Variants in RSRC1 observed in about 807,000 individuals in gnomAD.
The protein encoded by RSRC1 is arginine and serine rich coiled-coil 1, also known as serine/Arginine-related protein 53.
In RSRC1, 39 loss-of-function variants were observed where a neutral mutation model predicts 49.1. That is an observed-to-expected ratio of 0.79 (90% confidence interval 0.61 to 1.04). RSRC1 has a LOEUF of 1.04. Among genes scored for constraint, RSRC1 ranks in the 50% least tolerant of loss-of-function variants. RSRC1 has a pLI of 0.00. For synonymous variants in RSRC1, 143 were observed against 130.8 expected (o/e 1.09, Z -0.63); for missense variants, 388 against 402.4 (o/e 0.96, Z 0.31).
At chr3:158,336,997 T>C (rs1729937636) in intron 5 of RSRC1, among the ~76,000 whole-genome samples, 1 of 152,128 alleles carries the variant, frequency 6.6e-6, no homozygotes, top group African/African-American at 2.4e-5. Flanking sequence ...GGTGGGAGAT[T>C]TCCCGTCTGT....
chr3:158,259,343 A>G (rs1724758125), intron 4 of RSRC1, among the ~76,000 whole-genome samples: 1 of 152,122 alleles, frequency 6.6e-6, no homozygotes, highest in Admixed American at 6.6e-5. Flanking sequence ...TAGAGATACT[A>G]CTTTGGTGGT....
At chr3:158,501,768 G>A (rs1739610680) in intron 7 of RSRC1, among the ~76,000 whole-genome samples, 1 of 152,080 alleles carries the variant, frequency 6.6e-6, no homozygotes, top group African/African-American at 2.4e-5. Context: ...TCTCCTGAAG[G>A]CAGCAAATAG....
intron 6 of RSRC1, among the ~76,000 whole-genome samples, chr3:158,458,385 G>A (rs1016396418): frequency 6.6e-6 from 1 of 151,688 alleles, no homozygotes; most frequent in African/African-American, 2.4e-5. Context: ...TATTTTAATG[G>A]CAAAAACCAT....
At position 158,511,758 on chromosome 3, in the gene RSRC1, A is replaced by G. The variant is rs973362566; in HGVS notation, c.653-25334A>G. 7.3e-3 allele frequency among the ~76,000 whole-genome samples: 1,117 copies of G among 152,022 alleles called. 19 individuals are homozygous for G. Among genetic ancestry groups the G allele is most frequent in the African/African-American group, 0.025 (1,048 of 41,454 alleles). ...CCACCAACAGTGTAAAAGTGTTCCT[A>G]TTTCTCCACATCCTCTCCAGCACCT... On this transcript the variant is annotated intron_variant, in intron 7 of 9. Coordinates refer to ENST00000611884, the MANE Select transcript of RSRC1 (RefSeq NM_001271838.2).
intron 6 of RSRC1, among the ~76,000 whole-genome samples, chr3:158,407,980 G>T (rs1734240866): frequency 6.6e-6 from 1 of 152,172 alleles, no homozygotes; most frequent in Non-Finnish European, 1.5e-5. Flanking sequence ...TCCTGGCTTT[G>T]CCTTTCATGG....
intron 3 of RSRC1, among the ~76,000 whole-genome samples, chr3:158,126,142 T>C (rs1172579292): frequency 6.6e-6 from 1 of 152,122 alleles, no homozygotes; most frequent in Non-Finnish European, 1.5e-5. Flanking sequence ...TTTGTGTGTA[T>C]GAGTGTGTGT....
At position 158,377,460 on chromosome 3, in the gene RSRC1, G is replaced by C. The variant is rs540321020; in HGVS notation, c.583+22552G>C. Among the ~76,000 whole-genome samples the C allele has an allele frequency of 2.0e-5, 3 of 152,026 alleles. No homozygotes were observed. In the South Asian group the frequency reaches 6.2e-4, roughly 32 times the overall value. ...ACGAGTGAATTCTTGCTCTGAGTTCGCATGAGATTTGGTTGTTTAAAAGAG... is the reference window on the plus strand; with the variant it reads ...ACGAGTGAATTCTTGCTCTGAGTTCCCATGAGATTTGGTTGTTTAAAAGAG... On this transcript the variant is annotated intron_variant, in intron 6 of 9. Transcript: ENST00000611884.
chr3:158,505,677 G>T (rs1352208826), intron 7 of RSRC1, among the ~76,000 whole-genome samples: 1 of 152,002 alleles, frequency 6.6e-6, no homozygotes, highest in African/African-American at 2.4e-5. Flanking sequence ...GCATGCTATA[G>T]AAGTTCATAG....
At chr3:158,238,011 C>G (rs1316723637) in intron 4 of RSRC1, among the ~76,000 whole-genome samples, 1 of 152,162 alleles carries the variant, frequency 6.6e-6, no homozygotes, top group East Asian at 1.9e-4. Context: ...TAAGTAACTT[C>G]AGCAAAGTCT....
chr3:158,237,855 C>T (rs1331146608), intron 4 of RSRC1, among the ~76,000 whole-genome samples: 1 of 152,026 alleles, frequency 6.6e-6, no homozygotes, highest in Non-Finnish European at 1.5e-5. Context: ...GAATAGGAGT[C>T]GTGAGAGAGG....
intron 1 of RSRC1, among the ~76,000 whole-genome samples, chr3:158,118,873 A>G (rs1715054915): frequency 6.6e-6 from 1 of 152,212 alleles, no homozygotes; most frequent in African/African-American, 2.4e-5. Flanking sequence ...TCAAATGCTT[A>G]TATATCTTTT....
rs1278753814 is a variant in RSRC1, at chr3:158,311,291, G to A, written c.531+13216G>A. ...TGCTTATATAGTCCCTTAGCACCTG[G>A]TATATCGGTTGTAAAAAGTATATGC... On this transcript the variant is annotated intron_variant, in intron 5 of 9. Coordinates refer to ENST00000611884, the MANE Select transcript of RSRC1 (RefSeq NM_001271838.2). Among the ~76,000 whole-genome samples the A allele has an allele frequency of 2.6e-5, 4 of 151,592 alleles. No homozygotes were observed. In the East Asian group the frequency reaches 7.7e-4, roughly 29 times the overall value.
At chr3:158,311,606 A>G (rs1271366998) in intron 5 of RSRC1, among the ~76,000 whole-genome samples, 2 of 151,976 alleles carry the variant, frequency 1.3e-5, no homozygotes, top group Non-Finnish European at 2.9e-5. Flanking sequence ...ACAAAGTTTC[A>G]GTTACCCAGG....
chr3:158,394,629 C>G (rs60175462), intron 6 of RSRC1, among the ~76,000 whole-genome samples: 11,134 of 151,798 alleles, frequency 0.073, 483 homozygotes, highest in South Asian at 0.13. Context: ...TGCAGCTAAC[C>G]AGGGAAGTGA....
At chr3:158,502,169 T>C (rs915860336) in intron 7 of RSRC1, among the ~76,000 whole-genome samples, 1 of 152,196 alleles carries the variant, frequency 6.6e-6, no homozygotes, top group Non-Finnish European at 1.5e-5. Context: ...ATTGTTTTGT[T>C]TGAGAAGGCT....
chr3:158,378,127 T>C (rs1732477150), intron 6 of RSRC1, among the ~76,000 whole-genome samples: 1 of 152,216 alleles, frequency 6.6e-6, no homozygotes, highest in Non-Finnish European at 1.5e-5. Flanking sequence ...AAGTTTAAAA[T>C]TTCTAACATG....
chr3:158,186,894 A>G (rs1156288590), intron 3 of RSRC1, among the ~76,000 whole-genome samples: 2 of 151,972 alleles, frequency 1.3e-5, no homozygotes, highest in African/African-American at 4.8e-5. Context: ...GAATTCCAAA[A>G]TATTTAGTTA....
chr3:158,468,463 C>T lies in RSRC1; in HGVS notation c.652+7460C>T, dbSNP rs188507672. ...ACTCCTGCTTTCTCTCAAAATCGTT[C>T]GATTCAGATGTTATTTTTAAAGAAG... On this transcript the variant is annotated intron_variant, in intron 7 of 9. Coordinates refer to ENST00000611884, the MANE Select transcript of RSRC1 (RefSeq NM_001271838.2). Among the ~76,000 whole-genome samples, 274 of 152,208 alleles carry T rather than the reference C, an allele frequency of 1.8e-3. 1 individual carries two copies. The highest frequency in any genetic ancestry group is 6.4e-3 in the African/African-American group (264 of 41,522).
chr3:158,386,646 A>T (rs891861108), intron 6 of RSRC1, among the ~76,000 whole-genome samples: 2 of 152,058 alleles, frequency 1.3e-5, no homozygotes, highest in Non-Finnish European at 2.9e-5. Context: ...GCAGTTTAAA[A>T]GATGGAAACA....
Sources: gnomAD v4.1 joint callset for allele counts (sites outside exome capture counted in the v4.1 genomes callset) on GRCh38, gnomAD v4.1.1 for gene constraint, MANE v1.5 for transcripts, NCBI Gene and HGNC (gene_info 2026-07-23, HGNC 2026-07-21) for gene names.